MAP3K4: variants seen among roughly 807,000 people sequenced by gnomAD.
The protein encoded by MAP3K4 is mitogen-activated protein kinase kinase kinase 4.
Under a neutral mutation model 185.6 loss-of-function variants are expected in MAP3K4, and 67 were observed. The ratio of observed to expected loss-of-function variants is 0.36; its 90% CI spans 0.30 to 0.44. The LOEUF is 0.44. MAP3K4 is among the 20% of genes least tolerant of loss of function. MAP3K4 has a pLI of 1.00. For missense variants in MAP3K4, 1,551 were observed against 1,995.1 expected, an observed-to-expected ratio of 0.78 and a Z score of 4.24; for synonymous variants, 702 against 710.4, an observed-to-expected ratio of 0.99 and a Z score of 0.19.
At chr6:161,025,086 C>A (rs1782580686) in intron 1 of MAP3K4, among the ~76,000 whole-genome samples, 1 of 151,970 alleles carries the variant, frequency 6.6e-6, no homozygotes, top group Non-Finnish European at 1.5e-5. Flanking sequence ...TCCAGTGTTA[C>A]CTCATTTGTT....
rs762509360 is a variant in MAP3K4, at chr6:161,049,436, C to T, written c.1164C>T (p.Asp388=). ...YEKYAAKDFQ[D]RVQALCLWLN... The stretch of plus-strand genomic sequence containing the variant: ...AATATGCTGCAAAAGACTTCCAGGA[C>T]AGGGTGCAGGCACTCTGTTTGTGGT... The change falls in exon 3 of 27, where the codon GAC becomes GAT. Residue 388 remains aspartate (D), a synonymous_variant. Coordinates refer to ENST00000392142, the MANE Select transcript of MAP3K4 (RefSeq NM_005922.4). This position sits in a 1 kb window ranked among gnomAD's most constrained non-coding sequence, Gnocchi z 8.4. The T allele has an allele frequency of 3.7e-6, 6 of 1,614,000 alleles. No homozygotes were observed. The highest frequency in any genetic ancestry group is 2.7e-5 in the African/African-American group (2 of 74,910).
chr6:161,066,569 TTAGAG>T (rs1784724611), intron 3 of MAP3K4, among the ~76,000 whole-genome samples: 1 of 152,202 alleles, frequency 6.6e-6, no homozygotes, highest in Non-Finnish European at 1.5e-5. Flanking sequence ...AGATCTCGTA[TTAGAG>T]TATTTTTATT....
chr6:161,034,173 C>A lies in MAP3K4; in HGVS notation c.153-86C>A. 9.0e-7 allele frequency: 1 copy of A among 1,116,388 alleles called. No individual in the cohort carries two copies. Among genetic ancestry groups the A allele is most frequent in the Non-Finnish European group, 1.3e-6 (1 of 796,048 alleles). The allele number at this position is 1,116,388 out of a possible 1,614,324, so 69.2% of individuals were successfully genotyped here. The stretch of plus-strand genomic sequence containing the variant: ...GAGATTTTTCTGTACAAAAGTTTTA[C>A]AAAGAATTATTTAAAAAATTATAAG... On this transcript the variant is annotated intron_variant, in intron 1 of 26. Transcript: ENST00000392142. This position sits in a 1 kb window ranked among gnomAD's most constrained non-coding sequence, Gnocchi z 4.4.
Position 161,107,805 on chromosome 6 carries a change from T to C in MAP3K4, c.4049-94T>C. ...ATAATTATAGATATATAAATATACG[T>C]CCAAAATAATTGGACAGTATTATTA... On this transcript the variant is annotated intron_variant, in intron 20 of 26. Coordinates refer to ENST00000392142, the MANE Select transcript of MAP3K4 (RefSeq NM_005922.4). The surrounding 1 kb of genome is among the most constrained non-coding windows in gnomAD (Gnocchi z 6.2). 1.2e-6 allele frequency: 1 copy of C among 835,480 alleles called. No homozygotes were observed. The highest frequency in any genetic ancestry group is 2.0e-6 in the Non-Finnish European group (1 of 509,380). The allele number at this position is 835,480 out of a possible 1,614,324, so 51.8% of individuals were successfully genotyped here. A position where few individuals can be genotyped will look rare whatever the true frequency, so the allele number is the denominator to read the frequency against.
In MAP3K4 at chr6:161,093,925, C is replaced by T. The variant is rs886963846; in HGVS notation, c.3427+74C>T. ...GGACAGATCCTCTTGTAATTGCAGT[C>T]GTTTAAAATGGTATAAGAGGTGTTT... On this transcript the variant is annotated intron_variant, in intron 15 of 26. Coordinates refer to ENST00000392142, the MANE Select transcript of MAP3K4 (RefSeq NM_005922.4). The surrounding 1 kb of genome is among the most constrained non-coding windows in gnomAD (Gnocchi z 5.2). 22 of 1,119,156 alleles carry T rather than the reference C, an allele frequency of 2.0e-5. No individual in the cohort carries two copies. The highest frequency in any genetic ancestry group is 1.7e-4 in the South Asian group (13 of 76,330). 69.3% of individuals were successfully genotyped at this position (1,119,156 alleles called of 1,614,324 possible).
In MAP3K4 at chr6:161,073,267, T is replaced by C. The variant is rs1419473976; in HGVS notation, c.1951-199T>C. ...GCTGTAGTATTAAATTCTTTTATTT[T>C]CACTGTTTTGTTGCTTCTCAATTGA... On this transcript the variant is annotated intron_variant, in intron 4 of 26. Transcript: ENST00000392142. This position sits in a 1 kb window ranked among gnomAD's most constrained non-coding sequence, Gnocchi z 4.2. 2 of 417,654 alleles carry C rather than the reference T, an allele frequency of 4.8e-6. No homozygotes were observed. The highest frequency in any genetic ancestry group is 8.4e-6 in the Non-Finnish European group (2 of 239,028). The allele number at this position is 417,654 out of a possible 1,614,324, so 25.9% of individuals were successfully genotyped here.
chr6:161,112,923 A>AT lies in MAP3K4; in HGVS notation c.4626+151dup. 2 of 452,012 alleles carry AT rather than the reference A, an allele frequency of 4.4e-6. No homozygotes were observed. Among genetic ancestry groups the AT allele is most frequent in the Middle Eastern group, 4.9e-4 (1 of 2,032 alleles). The allele number at this position is 452,012 out of a possible 1,614,324, so 28.0% of individuals were successfully genotyped here. A position where few individuals can be genotyped will look rare whatever the true frequency, so the allele number is the denominator to read the frequency against. On this transcript the variant is annotated intron_variant, in intron 25 of 26. Coordinates refer to ENST00000392142, the MANE Select transcript of MAP3K4 (RefSeq NM_005922.4). The surrounding 1 kb of genome is among the most constrained non-coding windows in gnomAD (Gnocchi z 5.1). The stretch of plus-strand genomic sequence containing the variant: ...ATACAAAAATCTGATCCATCAAAAG[A>AT]TTAAGACAAATGACAAACCAGGAAA...
intron 1 of MAP3K4, chr6:160,992,349 C>G (rs1448535138): frequency 2.0e-6 from 1 of 503,224 alleles, no homozygotes; most frequent in Non-Finnish European, 3.4e-6. Context: ...ACTCCCCCAG[C>G]TCACCCTCAA....
rs1355555828 is a variant in MAP3K4, at chr6:161,109,071, A to G, written c.4236+212A>G. On this transcript the variant is annotated intron_variant, in intron 22 of 26. Transcript: ENST00000392142. The surrounding 1 kb of genome is among the most constrained non-coding windows in gnomAD (Gnocchi z 5.7). Reference sequence around the variant, plus strand: ...GTTGTAGACTGTAGTCATTAACCCGACATCATAAAGCACTGAAACCCATCC... The same window carrying G: ...GTTGTAGACTGTAGTCATTAACCCGGCATCATAAAGCACTGAAACCCATCC... The G allele has an allele frequency of 4.2e-6, 6 of 1,417,478 alleles. No individual in the cohort carries two copies. Among genetic ancestry groups the G allele is most frequent in the Non-Finnish European group, 4.8e-6 (5 of 1,042,006 alleles). 87.8% of individuals were successfully genotyped at this position (1,417,478 alleles called of 1,614,324 possible).
chr6:161,041,971 T>A (rs1298142220), intron 2 of MAP3K4, among the ~76,000 whole-genome samples: 1 of 137,418 alleles, frequency 7.3e-6, no homozygotes. Flanking sequence ...TTGCCCAGAC[T>A]GGCCCGGAAC....
At chr6:161,052,414 A>G (rs1399342293) in intron 3 of MAP3K4, among the ~76,000 whole-genome samples, 1 of 152,246 alleles carries the variant, frequency 6.6e-6, no homozygotes, top group African/African-American at 2.4e-5. Context: ...TCTTTGTTAT[A>G]GAAGAAAAGA....
Position 161,087,826 on chromosome 6 carries a change from G to A in MAP3K4, c.2695G>A (p.Ala899Thr). The change falls in exon 10 of 27, where the codon GCC (alanine) becomes ACC (threonine). Residue 899 changes from alanine to threonine, a missense_variant. Ala to Thr is a moderately conservative substitution (Grantham distance 58). Around this residue, in one of 16 missense-constraint regions of MAP3K4, gnomAD observed 261 missense variants for 306.5 expected, o/e 0.85. Transcript: ENST00000392142. The surrounding 1 kb of genome is among the most constrained non-coding windows in gnomAD (Gnocchi z 4.9). ...AGATTCAGATGACGTACTCATCGAT[G>A]CCTATCTGCTTCTGACCAAGCACGG... Reference protein sequence around the residue: ...SKDSDDVLIDAYLLLTKHGDR... With the variant: ...SKDSDDVLIDTYLLLTKHGDR... The A allele has an allele frequency of 1.2e-6, 2 of 1,614,168 alleles. No individual in the cohort carries two copies. Among genetic ancestry groups the A allele is most frequent in the Non-Finnish European group, 1.7e-6 (2 of 1,180,034 alleles).
chr6:161,059,897 A>AT (rs1422318701), intron 3 of MAP3K4, among the ~76,000 whole-genome samples: 3 of 150,146 alleles, frequency 2.0e-5, no homozygotes, highest in Non-Finnish European at 3.0e-5. Flanking sequence ...AAGCAGGGTC[A>AT]TTTATCCTGT....
At chr6:161,019,648 A>G (rs1252599036) in intron 1 of MAP3K4, among the ~76,000 whole-genome samples, 1 of 152,172 alleles carries the variant, frequency 6.6e-6, no homozygotes, top group Non-Finnish European at 1.5e-5. Flanking sequence ...ACCTCAAGTG[A>G]TCCACCCGCA....
intron 1 of MAP3K4, among the ~76,000 whole-genome samples, chr6:161,023,651 G>A (rs990644398): frequency 6.6e-6 from 1 of 152,194 alleles, no homozygotes; most frequent in African/African-American, 2.4e-5. Context: ...AGAATTTCTT[G>A]TGGAAGATAC....
intron 11 of MAP3K4, 46 bp downstream of exon 11, chr6:161,089,517 GA>G (rs1562532191): frequency 6.2e-7 from 1 of 1,602,710 alleles, no homozygotes; most frequent in South Asian, 1.1e-5. Context: ...CCTTTTTGAT[GA>G]AAGTCAGTGT....
intron 1 of MAP3K4, among the ~76,000 whole-genome samples, chr6:161,005,074 C>G (rs912741391): frequency 1.3e-5 from 2 of 152,032 alleles, no homozygotes; most frequent in African/African-American, 4.8e-5. Flanking sequence ...CATGAACCTT[C>G]TACAACTTTC....
intron 1 of MAP3K4, among the ~76,000 whole-genome samples, chr6:161,020,841 T>C (rs574355290): frequency 6.6e-6 from 1 of 152,340 alleles, no homozygotes; most frequent in South Asian, 2.1e-4. Flanking sequence ...GATACACTGT[T>C]AGACATTTCT....
chr6:160,992,056 C>A lies in MAP3K4; in HGVS notation c.125C>A (p.Ser42Ter). The part of the protein sequence containing the change: ...PPPPPEPETE[S>*]EPECCLAARQ... The stretch of plus-strand genomic sequence containing the variant: ...CCGCCACCGGAACCCGAGACCGAGT[C>A]AGAACCCGAGTGCTGCTTGGCGGCG... Residue 42 changes from serine (S) to a stop codon, truncating the protein, a stop_gained, in exon 1 of 27, where the codon TCA becomes TAA. Transcript: ENST00000392142. LOFTEE classifies it high-confidence loss of function. 1 of 1,585,594 alleles carries A rather than the reference C, an allele frequency of 6.3e-7. No homozygotes were observed. The highest frequency in any genetic ancestry group is 2.3e-5 in the East Asian group (1 of 42,762).
Sources: allele counts gnomAD v4.1 joint callset (sites outside exome capture counted in the v4.1 genomes callset), GRCh38; gene constraint gnomAD v4.1.1; regional missense constraint gnomAD v4.1.1; non-coding constraint Gnocchi (gnomAD v3.1); transcripts MANE v1.5; gene names NCBI Gene and HGNC (gene_info 2026-07-23, HGNC 2026-07-21).